DOCK10: variants seen among roughly 807,000 people sequenced by gnomAD.
The protein encoded by DOCK10 is dedicator of cytokinesis protein 10.
A neutral mutation model predicts 280.1 loss-of-function variants in DOCK10; 145 were observed. That is an observed-to-expected ratio of 0.52 (90% CI 0.45 to 0.59). The LOEUF (loss-of-function observed/expected upper bound fraction) is 0.59. Among genes scored for constraint, DOCK10 ranks in the 20% least tolerant of loss-of-function variants. DOCK10 has a pLI of 0.00. For synonymous variants in DOCK10, 915 were observed against 942.2 expected (o/e 0.97, Z 0.53); for missense variants, 2,368 against 2,651.7 (o/e 0.89, Z 2.35).
chr2:224,981,398 T>C lies in DOCK10; in HGVS notation c.124-49730A>G, dbSNP rs571576598. 5.3e-5 allele frequency among the ~76,000 whole-genome samples: 8 copies of C among 152,166 alleles called. No individual in the cohort carries two copies. The East Asian group carries it at 1.5e-3, about 29-fold the overall frequency. ...TTACTACATCCTTGATATCTCAACA[T>C]TGAAATCTAAGAGAAAAAAGTCGAT... is the stretch of plus-strand genomic sequence containing the variant. On this transcript the variant is annotated intron_variant, in intron 1 of 55. Transcript: ENST00000258390.
chr2:224,974,845 TAC>T (rs909089223), intron 1 of DOCK10, among the ~76,000 whole-genome samples: 1 of 138,302 alleles, frequency 7.2e-6, no homozygotes, highest in African/African-American at 2.5e-5. Context: ...ATATAACATA[TAC>T]ACACACGTAT....
rs373140313 is a variant in DOCK10, at chr2:224,805,546, C to T, written c.3815-17G>A. The stretch of plus-strand genomic sequence containing the variant: ...ATGAAAATGCTGTAAACACAAGCCA[C>T]AGCACACGTATGGGAATGAGATGTA... On this transcript the variant is annotated splice_polypyrimidine_tract_variant and intron_variant, in intron 34 of 55. Transcript: ENST00000258390. This position sits in a 1 kb window ranked among gnomAD's most constrained non-coding sequence, Gnocchi z 4.3. 2 of 1,611,294 alleles carry T rather than the reference C, an allele frequency of 1.2e-6. No individual in the cohort carries two copies. Among genetic ancestry groups the T allele is most frequent in the African/African-American group, 2.7e-5 (2 of 74,764 alleles).
intron 33 of DOCK10, among the ~76,000 whole-genome samples, chr2:224,806,459 A>G (rs1291735805): frequency 1.3e-5 from 2 of 152,212 alleles, no homozygotes; most frequent in African/African-American, 2.4e-5. Flanking sequence ...ATGTTGTAGA[A>G]ACAATCTTTT....
intron 2 of DOCK10, among the ~76,000 whole-genome samples, chr2:224,929,760 C>T (rs1436293044): frequency 1.3e-5 from 2 of 152,074 alleles, no homozygotes; most frequent in Non-Finnish European, 2.9e-5. Context: ...TGGGAAGATG[C>T]CAAAACTTTA....
chr2:224,775,778 GAATGCAA>G (rs1690810786), intron 51 of DOCK10, among the ~76,000 whole-genome samples: 1 of 152,184 alleles, frequency 6.6e-6, no homozygotes, highest in African/African-American at 2.4e-5. Context: ...CCCAGCCCTA[GAATGCAA>G]GCTTCTTGAG....
At position 224,773,638 on chromosome 2, in the gene DOCK10, C is replaced by CT. The variant is rs759735884; in HGVS notation, c.6014-292dup. 5.7e-3 allele frequency among the ~76,000 whole-genome samples: 824 copies of CT among 144,932 alleles called. 8 individuals are homozygous for CT. Among genetic ancestry groups the CT allele is most frequent in the African/African-American group, 9.7e-3 (387 of 39,924 alleles). On this transcript the variant is annotated intron_variant, in intron 52 of 55. Transcript: ENST00000258390. ...GAATTTTTTTCTTTTTTCTTTCTAT[C>CT]TTTTTTTTTTTTTGAGATGAGTCTC...
chr2:224,851,767 A>C lies in DOCK10; in HGVS notation c.2142+610T>G, dbSNP rs571512690. 1.7e-4 allele frequency among the ~76,000 whole-genome samples: 26 copies of C among 152,282 alleles called. No homozygotes were observed. The South Asian group carries it at 5.4e-3, about 32-fold the overall frequency. ...GTTGTTTGAAATCCCTAAAATAAAA[A>C]CCACATACTATATATCAAATATGAA... On this transcript the variant is annotated intron_variant, in intron 18 of 55. Coordinates refer to ENST00000258390, the MANE Select transcript of DOCK10 (RefSeq NM_014689.3).
intron 1 of DOCK10, among the ~76,000 whole-genome samples, chr2:225,041,723 G>A (rs1386934294): frequency 2.0e-5 from 3 of 152,096 alleles, no homozygotes. Context: ...GCTGTTCCAA[G>A]TACATCTATT....
Position 224,786,751 on chromosome 2 carries a change from A to G in DOCK10, c.5655+271T>C, listed in dbSNP as rs995285935. ...TATTTTAGGGTGAGCTGGAAAGAAG[A>G]GAGTGTTGAAAAATAAATGCCCTCT... On this transcript the variant is annotated intron_variant, in intron 50 of 55. Coordinates refer to ENST00000258390, the MANE Select transcript of DOCK10 (RefSeq NM_014689.3). The surrounding 1 kb of genome is among the most constrained non-coding windows in gnomAD (Gnocchi z 4.7). 7.9e-5 allele frequency among the ~76,000 whole-genome samples: 12 copies of G among 152,246 alleles called. No homozygotes were observed. Among genetic ancestry groups the G allele is most frequent in the Non-Finnish European group, 1.6e-4 (11 of 68,050 alleles).
chr2:224,840,182 C>T (rs201076260), intron 23 of DOCK10, 110 bp from the exon 24 acceptor site: 41 of 571,714 alleles, frequency 7.2e-5, no homozygotes, highest in Non-Finnish European at 1.1e-4. Flanking sequence ...AGAAAAACTT[C>T]GTGACATTAG....
intron 3 of DOCK10, among the ~76,000 whole-genome samples, chr2:224,898,162 AG>A (rs1700090676): frequency 6.6e-6 from 1 of 152,228 alleles, no homozygotes; most frequent in South Asian, 2.1e-4. Flanking sequence ...CATCATAGAA[AG>A]GTGGACGGAG....
intron 16 of DOCK10, 43 bp from the exon 17 acceptor site, chr2:224,853,165 C>A (rs1024360566): frequency 1.3e-5 from 19 of 1,473,650 alleles, no homozygotes; most frequent in Non-Finnish European, 1.7e-5. Flanking sequence ...TAATATGGTT[C>A]TTTTAAAGTG....
chr2:224,947,630 T>G (rs898899775), intron 1 of DOCK10, among the ~76,000 whole-genome samples: 2 of 152,240 alleles, frequency 1.3e-5, no homozygotes, highest in African/African-American at 4.8e-5. Flanking sequence ...GCTACAGAGT[T>G]AGTTCCCTCA....
chr2:224,917,101 CTTTTTTTTTT>C (rs58223345), intron 2 of DOCK10, among the ~76,000 whole-genome samples: 30 of 95,768 alleles, frequency 3.1e-4, no homozygotes, highest in Admixed American at 5.0e-4. Flanking sequence ...CTATTGGAAT[CTTTTTTTTTT>C]TTTTTTTTTT....
chr2:224,987,953 T>C (rs890491308), intron 1 of DOCK10, among the ~76,000 whole-genome samples: 1 of 152,198 alleles, frequency 6.6e-6, no homozygotes, highest in Non-Finnish European at 1.5e-5. Context: ...CTAACCTCTC[T>C]AAGCCTCAAT....
intron 14 of DOCK10, 69 bp downstream of exon 14, chr2:224,862,595 T>C: frequency 2.3e-6 from 3 of 1,326,794 alleles, no homozygotes; most frequent in Non-Finnish European, 3.2e-6. Flanking sequence ...ACAAAAACGT[T>C]CAAAACTGAA....
At chr2:224,926,411 T>C (rs184933031) in intron 2 of DOCK10, among the ~76,000 whole-genome samples, 2 of 152,262 alleles carry the variant, frequency 1.3e-5, no homozygotes, top group African/African-American at 4.8e-5. Context: ...TACACTAAAG[T>C]GTTAGAGGGC....
intron 40 of DOCK10, among the ~76,000 whole-genome samples, chr2:224,800,762 G>A (rs1017041645): frequency 1.3e-5 from 2 of 152,170 alleles, no homozygotes; most frequent in African/African-American, 4.8e-5. Context: ...TTTATTGTGA[G>A]CCAAATATGA....
rs777425371 is a variant in DOCK10 at position 224,874,000 on chromosome 2, G to A, written c.1253C>T (p.Thr418Met). The part of the protein sequence containing the change: ...CVTENENDPI[T>M]NIEPFFVSVA... ...TGTAACAGAGGAGAAACTTACATTC[G>A]TTATCGGATCATTTTCATTCTCCGT... Residue 418 changes from threonine (T) to methionine (M), a missense_variant, in exon 11 of 56, where the codon ACG becomes ATG. Transcript: ENST00000258390. The A allele has an allele frequency of 8.1e-6, 13 of 1,609,934 alleles. No individual in the cohort carries two copies. The highest frequency in any genetic ancestry group is 6.7e-5 in the African/African-American group (5 of 74,690).
Sources: allele counts gnomAD v4.1 joint callset (sites outside exome capture counted in the v4.1 genomes callset), GRCh38; gene constraint gnomAD v4.1.1; non-coding constraint Gnocchi (gnomAD v3.1); transcripts MANE v1.5; gene names NCBI Gene and HGNC (gene_info 2026-07-23, HGNC 2026-07-21).